RIMS2: variants seen among roughly 807,000 people sequenced by gnomAD.
RIMS2 encodes the protein regulating synaptic membrane exocytosis 2, also known as regulating synaptic membrane exocytosis protein 2.
A neutral mutation model predicts 174.4 loss-of-function variants in RIMS2; 59 were observed. The observed-to-expected ratio is 0.34, with a 90% CI of 0.27 to 0.42. The LOEUF (loss-of-function observed/expected upper bound fraction) is 0.42. RIMS2 is among the 10% of genes least tolerant of loss of function. RIMS2 has a pLI of 1.00. For synonymous variants in RIMS2, 606 were observed against 572.5 expected, an observed-to-expected ratio of 1.06 and a Z score of -0.84; for missense variants, 1,620 against 1,666.3, an observed-to-expected ratio of 0.97 and a Z score of 0.48.
chr8:104,168,284 A>T (rs1172341826), intron 19 of RIMS2, among the ~76,000 whole-genome samples: 1 of 151,910 alleles, frequency 6.6e-6, no homozygotes, highest in African/African-American at 2.4e-5. Flanking sequence ...TATTAATTCT[A>T]CCCATTCATG....
At chr8:103,764,626 T>A (rs1038109518) in intron 2 of RIMS2, among the ~76,000 whole-genome samples, 1 of 152,144 alleles carries the variant, frequency 6.6e-6, no homozygotes, top group Non-Finnish European at 1.5e-5. Flanking sequence ...TTCAGTGAGA[T>A]AATGGTGTTT....
intron 19 of RIMS2, among the ~76,000 whole-genome samples, chr8:104,170,212 TTTG>T (rs954645160): frequency 8.5e-5 from 13 of 152,062 alleles, no homozygotes; most frequent in African/African-American, 3.1e-4. Context: ...AGTCCATTTT[TTTG>T]TTGTTGTTGA....
chr8:103,535,236 G>A (rs144082530), intron 1 of RIMS2, among the ~76,000 whole-genome samples: 369 of 152,058 alleles, frequency 2.4e-3, no homozygotes, highest in African/African-American at 8.0e-3. Flanking sequence ...AGCAGAAGTA[G>A]AGTAAGTTTG....
At chr8:104,088,686 C>G (rs907251519) in intron 19 of RIMS2, among the ~76,000 whole-genome samples, 3 of 151,996 alleles carry the variant, frequency 2.0e-5, no homozygotes, top group African/African-American at 7.2e-5. Flanking sequence ...CATCTTTTGT[C>G]TGAAGATCAA....
chr8:103,521,928 C>T (rs2130491200), intron 1 of RIMS2, among the ~76,000 whole-genome samples: 1 of 151,150 alleles, frequency 6.6e-6, no homozygotes, highest in Non-Finnish European at 1.5e-5. Context: ...CTCTACCTTG[C>T]TTCTCTCATT....
At chr8:103,746,141 G>A (rs948532392) in intron 2 of RIMS2, among the ~76,000 whole-genome samples, 6 of 152,048 alleles carry the variant, frequency 3.9e-5, no homozygotes, top group African/African-American at 1.4e-4. Flanking sequence ...ATGAGTTAGG[G>A]GTCCAACTTC....
chr8:103,885,164 G>C lies in RIMS2; in HGVS notation c.699-134G>C. The C allele has an allele frequency of 2.4e-6, 3 of 1,263,788 alleles. No homozygotes were observed. In the East Asian group the frequency reaches 7.7e-5, roughly 32 times the overall value. 78.3% of individuals were successfully genotyped at this position (1,263,788 alleles called of 1,614,324 possible). ...TGAATACTACTAAAACCATTGTTAC[G>C]CTATGCCTTTAAAATGAAATTTTAA... is the stretch of plus-strand genomic sequence containing the variant. On this transcript the variant is annotated intron_variant, in intron 3 of 23. Coordinates refer to ENST00000504942, the Ensembl canonical transcript of RIMS2.
In RIMS2 at chr8:104,094,721, T is replaced by A. The variant is rs746654993; in HGVS notation, c.3334+80106T>A. 33 of 683,038 alleles carry A rather than the reference T, an allele frequency of 4.8e-5. No individual in the cohort carries two copies. The South Asian group carries it at 5.3e-4, about 11-fold the overall frequency. The allele number at this position is 683,038 out of a possible 1,614,324, so 42.3% of individuals were successfully genotyped here. On this transcript the variant is annotated intron_variant, in intron 19 of 23. Coordinates refer to ENST00000504942, the Ensembl canonical transcript of RIMS2. ...ATTTGCAAAGGAGATTCTCACAAGA[T>A]GATACCAGGTAAAATATGTTATTTG...
At chr8:104,233,458 A>C (rs2099242152) in intron 19 of RIMS2, among the ~76,000 whole-genome samples, 3 of 152,196 alleles carry the variant, frequency 2.0e-5, no homozygotes, top group Admixed American at 6.5e-5. Context: ...AACACAAAAC[A>C]ATCAGTCATC....
intron 19 of RIMS2, among the ~76,000 whole-genome samples, chr8:104,198,012 A>T (rs1454208124): frequency 6.6e-6 from 1 of 152,086 alleles, no homozygotes; most frequent in Non-Finnish European, 1.5e-5. Context: ...ACAACAGTCA[A>T]AATCTTCAAA....
chr8:103,877,590 A>C (rs751243096), intron 3 of RIMS2, among the ~76,000 whole-genome samples: 7 of 151,796 alleles, frequency 4.6e-5, no homozygotes, highest in Non-Finnish European at 1.0e-4. Flanking sequence ...ATTGGTCTAT[A>C]TGTCTACTTT....
rs187599239 is a variant in RIMS2 at position 103,504,545 on chromosome 8, C to T, written c.176+3483C>T. On this transcript the variant is annotated intron_variant, in intron 1 of 23. Transcript: ENST00000504942. ...TACTGAGTTTCTAATATGTACATATCATAGCCTTTCAGATAAGCTTTTTGT... is the reference window on the plus strand; with the variant it reads ...TACTGAGTTTCTAATATGTACATATTATAGCCTTTCAGATAAGCTTTTTGT... Among the ~76,000 whole-genome samples the T allele has an allele frequency of 4.4e-3, 668 of 152,228 alleles. 22 individuals carry two copies. The highest frequency in any genetic ancestry group is 0.035 in the Admixed American group (533 of 15,296).
intron 19 of RIMS2, among the ~76,000 whole-genome samples, chr8:104,175,253 C>T (rs2135645217): frequency 6.6e-6 from 1 of 152,094 alleles, no homozygotes; most frequent in Non-Finnish European, 1.5e-5. Context: ...TCCTACACCT[C>T]AGGATCTTTA....
rs553041647 is a variant in RIMS2, at chr8:103,709,478, A to G, written c.387+12182A>G. On this transcript the variant is annotated intron_variant, in intron 2 of 23. Transcript: ENST00000504942. ...GAGCTTTCAGATGTAGTTAAGTTAC[A>G]TGGAAACAGTTTGATACTTTTACAC... Among the ~76,000 whole-genome samples the G allele has an allele frequency of 2.5e-4, 38 of 151,916 alleles. No homozygotes were observed. In the South Asian group the frequency reaches 4.3e-3, roughly 17 times the overall value.
At chr8:104,231,171 C>T (rs1179049765) in intron 19 of RIMS2, among the ~76,000 whole-genome samples, 3 of 152,032 alleles carry the variant, frequency 2.0e-5, no homozygotes, top group Non-Finnish European at 2.9e-5. Flanking sequence ...GATCTGATAA[C>T]CCCCCAACCT....
chr8:104,125,792 C>T (rs1039001984), intron 19 of RIMS2, among the ~76,000 whole-genome samples: 2 of 152,064 alleles, frequency 1.3e-5, no homozygotes, highest in Non-Finnish European at 2.9e-5. Context: ...ATTCTAAAAC[C>T]TTTCAAAAGG....
chr8:103,817,221 G>T (rs1393356904), intron 3 of RIMS2, among the ~76,000 whole-genome samples: 1 of 152,106 alleles, frequency 6.6e-6, no homozygotes, highest in Admixed American at 6.5e-5. Flanking sequence ...TTACTTGCGA[G>T]TTAAAACATT....
intron 14 of RIMS2, among the ~76,000 whole-genome samples, chr8:103,944,321 G>C (rs189356705): frequency 1.3e-5 from 2 of 151,984 alleles, no homozygotes; most frequent in African/African-American, 2.4e-5. Context: ...TGTGACCATT[G>C]TATCTATTCA....
chr8:103,528,624 C>T (rs1586848191), intron 1 of RIMS2, among the ~76,000 whole-genome samples: 1 of 152,166 alleles, frequency 6.6e-6, no homozygotes, highest in African/African-American at 2.4e-5. Flanking sequence ...AGCCAGTTTT[C>T]CCAGCACCAT....
Sources: gnomAD v4.1 joint callset for allele counts (sites outside exome capture counted in the v4.1 genomes callset) on GRCh38, gnomAD v4.1.1 for gene constraint, MANE v1.5 for transcripts, NCBI Gene and HGNC (gene_info 2026-07-23, HGNC 2026-07-21) for gene names.